Variants in CNKSR3 observed in about 807,000 individuals in gnomAD.
CNKSR3 encodes CNKSR family member 3.
A neutral mutation model predicts 67.7 loss-of-function variants in CNKSR3; 36 were observed. The ratio of observed to expected loss-of-function variants is 0.53; its 90% CI spans 0.41 to 0.70. CNKSR3 has a LOEUF of 0.70. Among genes scored for constraint, CNKSR3 ranks in the 30% least tolerant of loss-of-function variants. The probability of loss-of-function intolerance (pLI) is 0.00; values close to 1 mark genes in which losing one functional copy is unlikely to be tolerated. For missense variants in CNKSR3, 630 were observed against 695.2 expected, an observed-to-expected ratio of 0.91 and a Z score of 1.05; for synonymous variants, 281 against 271.4, an observed-to-expected ratio of 1.04 and a Z score of -0.35.
chr6:154,487,005 G>T (rs775022787), intron 1 of CNKSR3, among the ~76,000 whole-genome samples: 2 of 151,738 alleles, frequency 1.3e-5, no homozygotes, highest in Non-Finnish European at 2.9e-5. Flanking sequence ...GGTGGTGAGG[G>T]GGTTCAAGTG....
chr6:154,432,937 T>G lies in CNKSR3; in HGVS notation c.549+529A>C, dbSNP rs1410430839. On this transcript the variant is annotated intron_variant, in intron 5 of 12. Coordinates refer to ENST00000607772, the MANE Select transcript of CNKSR3 (RefSeq NM_173515.4). The stretch of plus-strand genomic sequence containing the variant: ...CCAATTTGTTTGGCCTCCCTATTTA[T>G]GGAAAATATATTTATAGCAGTTTCA... Among the ~76,000 whole-genome samples the G allele has an allele frequency of 2.6e-5, 4 of 152,344 alleles. No homozygotes were observed. In the East Asian group the frequency reaches 7.7e-4, roughly 29 times the overall value.
At chr6:154,455,503 C>T (rs1433039964) in intron 1 of CNKSR3, among the ~76,000 whole-genome samples, 1 of 150,642 alleles carries the variant, frequency 6.6e-6, no homozygotes, top group African/African-American at 2.4e-5. Flanking sequence ...TTTTTTCAGA[C>T]AGAGTTTCTT....
chr6:154,452,505 A>C (rs1785859167), intron 1 of CNKSR3, among the ~76,000 whole-genome samples: 1 of 152,012 alleles, frequency 6.6e-6, no homozygotes. Flanking sequence ...TCTAAGCCTG[A>C]TCATGATTTT....
At chr6:154,426,557 A>G (rs1785260725) in intron 7 of CNKSR3, among the ~76,000 whole-genome samples, 1 of 151,976 alleles carries the variant, frequency 6.6e-6, no homozygotes. Flanking sequence ...GGGTTTCACC[A>G]TGTTAGCCAG....
intron 10 of CNKSR3, among the ~76,000 whole-genome samples, chr6:154,413,068 C>A (rs973921302): frequency 6.6e-6 from 1 of 151,240 alleles, no homozygotes; most frequent in African/African-American, 2.4e-5. Context: ...ACTCTATATA[C>A]CACCCTCATT....
At chr6:154,418,823 C>A (rs572964933) in intron 9 of CNKSR3, among the ~76,000 whole-genome samples, 9 of 152,080 alleles carry the variant, frequency 5.9e-5, no homozygotes, top group Non-Finnish European at 1.2e-4. Flanking sequence ...GGGATTACAT[C>A]AAATTAAAAA....
At chr6:154,471,472 G>A (rs1024868612) in intron 1 of CNKSR3, among the ~76,000 whole-genome samples, 6 of 152,016 alleles carry the variant, frequency 3.9e-5, no homozygotes, top group East Asian at 3.9e-4. Context: ...TCCAGGAGGC[G>A]GAGGTTGCAG....
In CNKSR3 at chr6:154,454,394, T is replaced by C. The variant is rs560089224; in HGVS notation, c.53-4136A>G. 7.2e-5 allele frequency among the ~76,000 whole-genome samples: 11 copies of C among 152,284 alleles called. No homozygotes were observed. The South Asian group carries it at 2.3e-3, about 32-fold the overall frequency. ...TCCTCAATTTTCTAAATGTTCAGAATAAAAGTTGCTGGCTGGGCATGCTGG... is the reference window on the plus strand; with the variant it reads ...TCCTCAATTTTCTAAATGTTCAGAACAAAAGTTGCTGGCTGGGCATGCTGG... On this transcript the variant is annotated intron_variant, in intron 1 of 12. Coordinates refer to ENST00000607772, the MANE Select transcript of CNKSR3 (RefSeq NM_173515.4).
chr6:154,492,677 C>T (rs533429018), intron 1 of CNKSR3, among the ~76,000 whole-genome samples: 59 of 149,898 alleles, frequency 3.9e-4, no homozygotes, highest in South Asian at 2.1e-3. Flanking sequence ...ACCCAGGAGA[C>T]GGAGACTGCA....
intron 4 of CNKSR3, among the ~76,000 whole-genome samples, chr6:154,438,146 TA>T (rs1338615966): frequency 1.3e-5 from 2 of 152,326 alleles, no homozygotes; most frequent in East Asian, 1.9e-4. Context: ...GAGTAGGTAT[TA>T]TTTTTTAAGT....
intron 7 of CNKSR3, among the ~76,000 whole-genome samples, chr6:154,427,723 T>C (rs1785283860): frequency 6.6e-6 from 1 of 152,112 alleles, no homozygotes; most frequent in African/African-American, 2.4e-5. Flanking sequence ...AATCCTGAAA[T>C]AGCTGCTTTG....
chr6:154,423,012 A>G (rs1785178316), intron 7 of CNKSR3, 29 bp from the exon 8 acceptor site: 1 of 1,447,938 alleles, frequency 6.9e-7, no homozygotes, highest in East Asian at 2.3e-5. Flanking sequence ...ACCTGCCTTA[A>G]TTCTTTTAAA....
intron 1 of CNKSR3, among the ~76,000 whole-genome samples, chr6:154,507,732 A>C (rs1163804610): frequency 1.3e-5 from 2 of 152,222 alleles, no homozygotes; most frequent in East Asian, 3.8e-4. Flanking sequence ...TGCCAACCAC[A>C]GGTATGTAAC....
chr6:154,474,831 AGAG>A (rs1183075550), intron 1 of CNKSR3, among the ~76,000 whole-genome samples: 2 of 152,110 alleles, frequency 1.3e-5, no homozygotes, highest in Non-Finnish European at 2.9e-5. Context: ...CACAAAAGAG[AGAG>A]GAGAAGTGTG....
chr6:154,490,736 C>CA (rs11398466), intron 1 of CNKSR3, among the ~76,000 whole-genome samples: 38,737 of 152,138 alleles, frequency 0.25, 5,055 homozygotes, highest in Admixed American at 0.33. Flanking sequence ...CAGTGGCTGA[C>CA]AATGTCAAAA....
intron 1 of CNKSR3, among the ~76,000 whole-genome samples, chr6:154,486,236 C>A (rs1037083503): frequency 2.0e-5 from 3 of 152,022 alleles, no homozygotes; most frequent in Non-Finnish European, 4.4e-5. Context: ...CTTACCATCA[C>A]CCCTCGACAG....
At chr6:154,430,992 T>C (rs548186517) in intron 5 of CNKSR3, among the ~76,000 whole-genome samples, 1 of 152,170 alleles carries the variant, frequency 6.6e-6, no homozygotes, top group Admixed American at 6.5e-5. Flanking sequence ...AGCCATTTTT[T>C]CAATGGACTT....
chr6:154,419,629 TACAC>T (rs1273492416), intron 9 of CNKSR3, among the ~76,000 whole-genome samples: 1 of 152,160 alleles, frequency 6.6e-6, no homozygotes, highest in Non-Finnish European at 1.5e-5. Flanking sequence ...CACTACTGGA[TACAC>T]GTTTAAAGGA....
Position 154,387,801 on chromosome 6 carries a change from G to T in CNKSR3, c.*18553C>A, listed in dbSNP as rs183493635. On this transcript the variant is annotated 3_prime_UTR_variant, in exon 13 of 13. Transcript: ENST00000607772. Reference sequence around the variant, plus strand: ...AAAGAAAAATGTTCTATCATCAAATGTATTATGCATTTATTTTTTATCATT... The same window carrying T: ...AAAGAAAAATGTTCTATCATCAAATTTATTATGCATTTATTTTTTATCATT... 1 of 152,198 alleles carries T rather than the reference G, an allele frequency of 6.6e-6. No individual in the cohort carries two copies. Among genetic ancestry groups the T allele is most frequent in the East Asian group, 1.9e-4 (1 of 5,182 alleles). The allele number at this position is 152,198 out of a possible 1,614,324, so 9.4% of individuals were successfully genotyped here.
Sources: allele counts gnomAD v4.1 joint callset (sites outside exome capture counted in the v4.1 genomes callset), GRCh38; gene constraint gnomAD v4.1.1; transcripts MANE v1.5; gene names NCBI Gene and HGNC (gene_info 2026-07-23, HGNC 2026-07-21).